SOX6: variants seen among roughly 807,000 people sequenced by gnomAD.
SOX6 encodes the protein transcription factor SOX-6.
In SOX6, 11 loss-of-function variants were observed where a neutral mutation model predicts 97.8. The ratio of observed to expected loss-of-function variants is 0.11; its 90% CI spans 0.07 to 0.19. SOX6 has a LOEUF of 0.19. Ranked by LOEUF, SOX6 falls within the 10% of genes least tolerant of loss-of-function variation. The pLI is 1.00. For missense variants in SOX6, 810 were observed against 1,039.5 expected, an observed-to-expected ratio of 0.78 and a Z score of 3.04; for synonymous variants, 360 against 371.4, an observed-to-expected ratio of 0.97 and a Z score of 0.35.
intron 9 of SOX6, among the ~76,000 whole-genome samples, chr11:16,066,681 T>C (rs1225429209): frequency 2.0e-5 from 3 of 152,178 alleles, no homozygotes; most frequent in Non-Finnish European, 4.4e-5. Flanking sequence ...CACTTATTTA[T>C]GGATCTAAAA....
intron 2 of SOX6, among the ~76,000 whole-genome samples, chr11:16,715,682 T>C (rs886098098): frequency 1.3e-5 from 2 of 152,004 alleles, no homozygotes; most frequent in African/African-American, 4.8e-5. Flanking sequence ...AAGTACTATA[T>C]ATTCAAAAAC....
chr11:16,229,612 A>T (rs1852790234), intron 4 of SOX6, among the ~76,000 whole-genome samples: 1 of 151,916 alleles, frequency 6.6e-6, no homozygotes, highest in Non-Finnish European at 1.5e-5. Context: ...TAAATGGAAG[A>T]ACTAAAAATA....
chr11:16,051,837 T>G (rs1041630252), intron 10 of SOX6, among the ~76,000 whole-genome samples: 7 of 152,100 alleles, frequency 4.6e-5, no homozygotes, highest in African/African-American at 1.7e-4. Flanking sequence ...GGGCCTCTAA[T>G]TGCATACATT....
chr11:16,425,978 T>A (rs1363950024), intron 1 of SOX6, among the ~76,000 whole-genome samples: 1 of 151,028 alleles, frequency 6.6e-6, no homozygotes, highest in African/African-American at 2.4e-5. Flanking sequence ...ATTTTAAGGC[T>A]GGGCGCAGTG....
chr11:16,302,170 T>G (rs74547361), intron 3 of SOX6, among the ~76,000 whole-genome samples: 6 of 152,294 alleles, frequency 3.9e-5, no homozygotes, highest in South Asian at 2.1e-4. Context: ...TGCCCTTGCC[T>G]CTTTCCAACT....
chr11:16,307,495 T>C lies in SOX6; in HGVS notation c.445+10951A>G, dbSNP rs191209470. On this transcript the variant is annotated intron_variant, in intron 3 of 15. Transcript: ENST00000683767. ...CAAAGAAAAATAGTTCCAAAACATG[T>C]GGCTTATGCTTTAATTCTTAAATTT... Among the ~76,000 whole-genome samples, 4 of 152,308 alleles carry C rather than the reference T, an allele frequency of 2.6e-5. No individual in the cohort carries two copies. The East Asian group carries it at 5.8e-4, about 22-fold the overall frequency.
At chr11:16,163,822 T>G (rs953256623) in intron 6 of SOX6, among the ~76,000 whole-genome samples, 5 of 152,140 alleles carry the variant, frequency 3.3e-5, no homozygotes, top group African/African-American at 4.8e-5. Context: ...CAGTTAATCA[T>G]GTGGTATGTA....
chr11:16,078,917 G>A (rs747142028), intron 9 of SOX6, among the ~76,000 whole-genome samples: 1 of 152,176 alleles, frequency 6.6e-6, no homozygotes, highest in Non-Finnish European at 1.5e-5. Flanking sequence ...GAAGAGACCA[G>A]TGTAGCTGAG....
chr11:16,057,778 T>A (rs1017953490), intron 9 of SOX6, among the ~76,000 whole-genome samples: 1 of 152,160 alleles, frequency 6.6e-6, no homozygotes, highest in Admixed American at 6.6e-5. Context: ...GAATTCTAAG[T>A]TGAAAATAAT....
chr11:16,631,472 T>C (rs1258603393), intron 3 of SOX6, among the ~76,000 whole-genome samples: 1 of 152,194 alleles, frequency 6.6e-6, no homozygotes, highest in African/African-American at 2.4e-5. Flanking sequence ...CCTGATGGGA[T>C]TCCCTTTGTA....
intron 12 of SOX6, among the ~76,000 whole-genome samples, chr11:16,037,982 T>C (rs1286490004): frequency 6.6e-6 from 1 of 152,186 alleles, no homozygotes; most frequent in Non-Finnish European, 1.5e-5. Flanking sequence ...ATGAGTTCCA[T>C]ATCTGAGAGG....
chr11:16,078,349 C>T (rs1468085156), intron 9 of SOX6, among the ~76,000 whole-genome samples: 1 of 152,048 alleles, frequency 6.6e-6, no homozygotes, highest in Non-Finnish European at 1.5e-5. Flanking sequence ...TCAATGAGTC[C>T]AGAAATTAGA....
intron 3 of SOX6, among the ~76,000 whole-genome samples, chr11:16,626,924 C>T (rs1390786890): frequency 6.6e-6 from 1 of 152,098 alleles, no homozygotes; most frequent in African/African-American, 2.4e-5. Context: ...ATCCCATCAC[C>T]CAGGCAGTGA....
chr11:16,484,353 G>A, intron 4 of SOX6: 1 of 821,516 alleles, frequency 1.2e-6, no homozygotes, highest in African/African-American at 1.8e-5. Flanking sequence ...ATAAGGTAAG[G>A]ATCCAGGTAG....
chr11:16,506,127 C>T (rs1043479584), intron 4 of SOX6, among the ~76,000 whole-genome samples: 5 of 152,178 alleles, frequency 3.3e-5, no homozygotes, highest in African/African-American at 1.2e-4. Context: ...CCACCAACAA[C>T]TTGCATTGTG....
intron 11 of SOX6, among the ~76,000 whole-genome samples, chr11:16,047,099 T>C (rs1158362162): frequency 1.3e-5 from 2 of 152,214 alleles, no homozygotes; most frequent in Non-Finnish European, 2.9e-5. Flanking sequence ...GGCAGAGATG[T>C]TTGTCCAGGC....
intron 3 of SOX6, among the ~76,000 whole-genome samples, chr11:16,236,800 A>T (rs527537369): frequency 6.6e-6 from 1 of 152,136 alleles, no homozygotes; most frequent in South Asian, 2.1e-4. Flanking sequence ...ACTTCATGGG[A>T]GAAAAAGAGA....
rs1442012371 is a variant in SOX6, at chr11:16,613,405, T to C, written n.430-1145A>G. On this transcript the variant is annotated intron_variant and non_coding_transcript_variant, in intron 3 of 5. Coordinates refer to the SOX6 transcript ENST00000524520. This position sits in a 1 kb window ranked among gnomAD's most constrained non-coding sequence, Gnocchi z 4.6. ...GTCACTAAAACGAGATTAGCAAATC[T>C]TCTACCGCTGGCGGCGGCAACCAGA... 6.6e-6 allele frequency among the ~76,000 whole-genome samples: 1 copy of C among 152,028 alleles called. No individual in the cohort carries two copies. The highest frequency in any genetic ancestry group is 2.4e-5 in the African/African-American group (1 of 41,396).
At chr11:16,602,956 G>T (rs1848288517) in intron 4 of SOX6, among the ~76,000 whole-genome samples, 1 of 152,028 alleles carries the variant, frequency 6.6e-6, no homozygotes, top group Non-Finnish European at 1.5e-5. Context: ...AGGAGGCGGA[G>T]GTTACAGTGA....
Sources: allele counts gnomAD v4.1 joint callset (sites outside exome capture counted in the v4.1 genomes callset), GRCh38; gene constraint gnomAD v4.1.1; non-coding constraint Gnocchi (gnomAD v3.1); transcripts MANE v1.5; gene names NCBI Gene and HGNC (gene_info 2026-07-23, HGNC 2026-07-21).